The following PRKCA variants were observed in gnomAD, a reference collection of about 807,000 sequenced individuals.
The protein encoded by PRKCA is protein kinase C alpha type.
A neutral mutation model predicts 87.0 loss-of-function variants in PRKCA; 27 were observed. The ratio of observed to expected loss-of-function variants is 0.31; its 90% CI spans 0.23 to 0.43. The LOEUF (loss-of-function observed/expected upper bound fraction) is 0.43, where lower values mean the gene tolerates loss of function less well. Among genes scored for constraint, PRKCA ranks in the 20% least tolerant of loss-of-function variants. PRKCA has a pLI of 1.00. For missense variants in PRKCA, 518 were observed against 852.3 expected (o/e 0.61, Z 4.88); for synonymous variants, 329 against 311.1 (o/e 1.06, Z -0.61).
At chr17:66,345,829 A>G (rs956614324) in intron 2 of PRKCA, among the ~76,000 whole-genome samples, 8 of 152,198 alleles carry the variant, frequency 5.3e-5, no homozygotes, top group Non-Finnish European at 1.0e-4. Flanking sequence ...TTGAAAATGG[A>G]ATTTATAGCC....
chr17:66,436,384 T>A (rs1400231597), intron 2 of PRKCA, among the ~76,000 whole-genome samples: 1 of 152,184 alleles, frequency 6.6e-6, no homozygotes, highest in Non-Finnish European at 1.5e-5. Context: ...AACCTCTGTC[T>A]GTTTTCCCCA....
chr17:66,470,479 C>T (rs936883546), intron 2 of PRKCA, among the ~76,000 whole-genome samples: 13 of 151,926 alleles, frequency 8.6e-5, no homozygotes, highest in Non-Finnish European at 1.3e-4. Context: ...CCACCCGCCT[C>T]GGCCTCCCAA....
At chr17:66,774,132 T>G (rs1054926592) in intron 14 of PRKCA, 65 bp downstream of exon 14, 1 of 1,612,318 alleles carries the variant, frequency 6.2e-7, no homozygotes, top group African/African-American at 1.3e-5. Flanking sequence ...CAGCTCTGGT[T>G]GGGCCTCGAG....
At chr17:66,461,004 G>C (rs958127981) in intron 2 of PRKCA, among the ~76,000 whole-genome samples, 1 of 152,046 alleles carries the variant, frequency 6.6e-6, no homozygotes, top group Non-Finnish European at 1.5e-5. Flanking sequence ...CCAGGAGTTG[G>C]AGACCAGCCT....
At chr17:66,509,505 T>G (rs1917132302) in intron 3 of PRKCA, among the ~76,000 whole-genome samples, 1 of 152,104 alleles carries the variant, frequency 6.6e-6, no homozygotes, top group Non-Finnish European at 1.5e-5. Context: ...GAATCCTCTC[T>G]TACTTGGAGG....
chr17:66,550,762 G>C (rs945098816), intron 3 of PRKCA, among the ~76,000 whole-genome samples: 1 of 152,106 alleles, frequency 6.6e-6, no homozygotes, highest in Non-Finnish European at 1.5e-5. Flanking sequence ...TTAAATGTCC[G>C]TTCATTCACT....
chr17:66,761,395 G>A (rs1055101492), intron 13 of PRKCA, among the ~76,000 whole-genome samples: 6 of 151,314 alleles, frequency 4.0e-5, no homozygotes. Flanking sequence ...ACATAGTTTG[G>A]ACTCTAGACT....
chr17:66,309,050 C>T (rs1232634732), intron 2 of PRKCA, among the ~76,000 whole-genome samples: 2 of 152,182 alleles, frequency 1.3e-5, no homozygotes, highest in African/African-American at 4.8e-5. Context: ...CCCGATGAGG[C>T]AGTGCTTTCT....
Position 66,541,497 on chromosome 17 carries a change from G to A in PRKCA, c.288+45214G>A, listed in dbSNP as rs551921160. Among the ~76,000 whole-genome samples, 7 of 152,318 alleles carry A rather than the reference G, an allele frequency of 4.6e-5. No individual in the cohort carries two copies. In the South Asian group the frequency reaches 1.4e-3, roughly 32 times the overall value. On this transcript the variant is annotated intron_variant, in intron 3 of 16. Transcript: ENST00000413366. ...AAGCTACTCTGCTGGTCTTGGATGTGGAAGAAAAAATAATTCCCACTTTCC... is the reference window on the plus strand; with the variant it reads ...AAGCTACTCTGCTGGTCTTGGATGTAGAAGAAAAAATAATTCCCACTTTCC...
intron 2 of PRKCA, among the ~76,000 whole-genome samples, chr17:66,371,796 A>G (rs939849523): frequency 6.6e-6 from 1 of 152,248 alleles, no homozygotes; most frequent in Non-Finnish European, 1.5e-5. Context: ...TCATCTGGCA[A>G]TATTGCCTAA....
At chr17:66,666,692 T>C (rs1050319630) in intron 5 of PRKCA, among the ~76,000 whole-genome samples, 8 of 152,214 alleles carry the variant, frequency 5.3e-5, no homozygotes, top group Non-Finnish European at 8.8e-5. Flanking sequence ...TCCTGTATCT[T>C]CATTCTTTGC....
At chr17:66,763,178 G>T (rs1360237858) in intron 13 of PRKCA, among the ~76,000 whole-genome samples, 1 of 152,238 alleles carries the variant, frequency 6.6e-6, no homozygotes, top group East Asian at 1.9e-4. Context: ...GAGGTAGGCA[G>T]TGTCTATGGA....
At chr17:66,615,512 G>A (rs1197844881) in intron 3 of PRKCA, among the ~76,000 whole-genome samples, 10 of 152,080 alleles carry the variant, frequency 6.6e-5, no homozygotes, top group Admixed American at 6.5e-4. Context: ...AGTGATTTTT[G>A]AAACAACTCA....
At chr17:66,516,903 G>A (rs563777444) in intron 3 of PRKCA, among the ~76,000 whole-genome samples, 7 of 152,272 alleles carry the variant, frequency 4.6e-5, no homozygotes, top group South Asian at 2.1e-4. Context: ...CCCCTAGGCC[G>A]GAATTTGATG....
chr17:66,708,713 A>G (rs1036520247), intron 8 of PRKCA, among the ~76,000 whole-genome samples: 1 of 152,144 alleles, frequency 6.6e-6, no homozygotes, highest in African/African-American at 2.4e-5. Context: ...AGAGTACCCT[A>G]TGCCTATAGA....
intron 2 of PRKCA, among the ~76,000 whole-genome samples, chr17:66,393,641 C>CAT (rs1555597453): frequency 4.7e-5 from 7 of 148,096 alleles, no homozygotes; most frequent in Non-Finnish European, 9.0e-5. Flanking sequence ...TGTGTGTGCA[C>CAT]GTGTGTGTGT....
chr17:66,407,460 G>A (rs911102536), intron 2 of PRKCA, among the ~76,000 whole-genome samples: 5 of 152,144 alleles, frequency 3.3e-5, no homozygotes, highest in African/African-American at 1.2e-4. Flanking sequence ...CAGAAGCCAA[G>A]CGGAAGCCAC....
intron 3 of PRKCA, among the ~76,000 whole-genome samples, chr17:66,499,473 A>G (rs932760169): frequency 6.6e-6 from 1 of 152,228 alleles, no homozygotes; most frequent in African/African-American, 2.4e-5. Context: ...TCTTATTTAC[A>G]TGGGAAAGTC....
chr17:66,484,808 A>T (rs1022366638), intron 2 of PRKCA, among the ~76,000 whole-genome samples: 3 of 152,190 alleles, frequency 2.0e-5, no homozygotes, highest in African/African-American at 7.2e-5. Context: ...AGTCTTATTA[A>T]GGAATTGCAG....
Sources: allele counts gnomAD v4.1 joint callset (sites outside exome capture counted in the v4.1 genomes callset), GRCh38; gene constraint gnomAD v4.1.1; transcripts MANE v1.5; gene names NCBI Gene and HGNC (gene_info 2026-07-23, HGNC 2026-07-21).